The following GABRG2 variants were observed in gnomAD, a reference collection of about 807,000 sequenced individuals.
The protein encoded by GABRG2 is gamma-aminobutyric acid type A receptor subunit gamma2, also known as gamma-aminobutyric acid receptor subunit gamma-2.
GABRG2 carries 16 observed loss-of-function variants against 56.4 expected under a neutral mutation model. That is an observed-to-expected ratio of 0.28 (90% CI 0.19 to 0.43). The LOEUF (loss-of-function observed/expected upper bound fraction) is 0.43. Among genes scored for constraint, GABRG2 ranks in the 20% least tolerant of loss-of-function variants. The pLI, the probability that GABRG2 is intolerant of heterozygous loss-of-function variation, is 1.00. For synonymous variants in GABRG2, 208 were observed against 205.5 expected, an observed-to-expected ratio of 1.01 and a Z score of -0.10; for missense variants, 327 against 582.7, an observed-to-expected ratio of 0.56 and a Z score of 4.52.
intron 6 of GABRG2, among the ~76,000 whole-genome samples, chr5:162,108,666 T>C (rs780022901): frequency 4.3e-4 from 66 of 152,316 alleles, no homozygotes; most frequent in Non-Finnish European, 7.6e-4. Context: ...ATAAATCATT[T>C]AATATATCCG....
intron 1 of GABRG2, among the ~76,000 whole-genome samples, chr5:162,086,614 A>G (rs771406624): frequency 2.0e-5 from 3 of 152,014 alleles, no homozygotes; most frequent in African/African-American, 4.8e-5. Flanking sequence ...TCTTTCTCTT[A>G]CCTCAAATAA....
chr5:162,151,979 A>T, intron 9 of GABRG2: 1 of 438,128 alleles, frequency 2.3e-6, no homozygotes, highest in Non-Finnish European at 4.0e-6. Flanking sequence ...TCCCTGTGAG[A>T]TGTCATAGGT....
intron 6 of GABRG2, among the ~76,000 whole-genome samples, chr5:162,134,278 G>A (rs536616192): frequency 5.3e-5 from 8 of 152,228 alleles, no homozygotes; most frequent in African/African-American, 1.9e-4. Context: ...TAAGAGGATA[G>A]AATTGGTTGG....
chr5:162,076,605 T>A (rs1424812979), intron 1 of GABRG2, among the ~76,000 whole-genome samples: 1 of 152,158 alleles, frequency 6.6e-6, no homozygotes, highest in African/African-American at 2.4e-5. Flanking sequence ...AGAAGGATAT[T>A]TTCCCAAAGA....
chr5:162,121,263 C>G (rs1413330798), intron 6 of GABRG2, among the ~76,000 whole-genome samples: 1 of 151,992 alleles, frequency 6.6e-6, no homozygotes, highest in East Asian at 1.9e-4. Context: ...TTCAATGATA[C>G]AATTTAAATA....
intron 1 of GABRG2, among the ~76,000 whole-genome samples, chr5:162,083,931 T>G (rs974919743): frequency 6.6e-6 from 1 of 151,898 alleles, no homozygotes. Context: ...TAAAATTATT[T>G]TATTTAATGC....
chr5:162,152,584 G>C (rs1450813413), intron 9 of GABRG2: 7 of 263,374 alleles, frequency 2.7e-5, no homozygotes, highest in Non-Finnish European at 4.6e-5. Flanking sequence ...ATACAATCAG[G>C]AAAATTCTGT....
chr5:162,070,843 G>C (rs1008866868), intron 1 of GABRG2, among the ~76,000 whole-genome samples: 1 of 151,826 alleles, frequency 6.6e-6, no homozygotes, highest in Admixed American at 6.6e-5. Flanking sequence ...GGGGAGAAAA[G>C]GAATATTCAA....
At chr5:162,086,644 C>T (rs1760139679) in intron 1 of GABRG2, among the ~76,000 whole-genome samples, 1 of 151,956 alleles carries the variant, frequency 6.6e-6, no homozygotes, top group Non-Finnish European at 1.5e-5. Context: ...TAACTTTGAG[C>T]ACTACAGATA....
At position 162,152,317 on chromosome 5, in the gene GABRG2, T is replaced by C. The variant is rs1188955898; in HGVS notation, c.1152+564T>C. On this transcript the variant is annotated intron_variant, in intron 9 of 9. Coordinates refer to ENST00000639213, the MANE Select transcript of GABRG2 (RefSeq NM_198904.4). Reference sequence around the variant, plus strand: ...TTGCAATGAGATTTCTATTCAAATATAATAGCTGATTCTGAGACGTTAGAA... The same window carrying C: ...TTGCAATGAGATTTCTATTCAAATACAATAGCTGATTCTGAGACGTTAGAA... The C allele has an allele frequency of 2.4e-5, 7 of 286,670 alleles. No homozygotes were observed. The East Asian group carries it at 6.3e-4, about 26-fold the overall frequency. The allele number at this position is 286,670 out of a possible 1,614,324, so 17.8% of individuals were successfully genotyped here.
intron 4 of GABRG2, chr5:162,098,528 T>C (rs1761166545): frequency 6.6e-6 from 1 of 152,604 alleles, no homozygotes; most frequent in African/African-American, 2.4e-5. Context: ...CATTTTTACA[T>C]TGAATTTTCT....
At chr5:162,142,702 G>A (rs995144625) in intron 7 of GABRG2, 2 of 335,718 alleles carry the variant, frequency 6.0e-6, no homozygotes, top group Admixed American at 4.2e-5. Flanking sequence ...TGAACAATGA[G>A]AACACATGCA....
chr5:162,117,719 C>T (rs1213810527), intron 6 of GABRG2, among the ~76,000 whole-genome samples: 1 of 152,062 alleles, frequency 6.6e-6, no homozygotes, highest in East Asian at 1.9e-4. Flanking sequence ...GGACCCCAAG[C>T]AACTGTTCTC....
At chr5:162,132,565 T>TA (rs2113544590) in intron 6 of GABRG2, among the ~76,000 whole-genome samples, 1 of 152,158 alleles carries the variant, frequency 6.6e-6, no homozygotes, top group East Asian at 1.9e-4. Context: ...ATCTAGCACT[T>TA]ACCTAACTAT....
intron 6 of GABRG2, among the ~76,000 whole-genome samples, chr5:162,138,436 TG>T (rs1471790210): frequency 6.6e-6 from 1 of 152,200 alleles, no homozygotes; most frequent in Non-Finnish European, 1.5e-5. Flanking sequence ...AACATCTCTC[TG>T]TCTATCTGGG....
intron 6 of GABRG2, among the ~76,000 whole-genome samples, chr5:162,118,527 A>C (rs1762777426): frequency 6.6e-6 from 1 of 152,138 alleles, no homozygotes; most frequent in Admixed American, 6.6e-5. Context: ...CTAGGCTAGA[A>C]GTAAAAAGAT....
chr5:162,149,513 T>A, intron 8 of GABRG2, 200 bp downstream of exon 8: 2 of 743,744 alleles, frequency 2.7e-6, no homozygotes, highest in East Asian at 4.9e-5. Context: ...CTATTTTCTG[T>A]GTCAGAGTTC....
At chr5:162,147,306 T>TTTCC (rs539250270) in intron 7 of GABRG2, among the ~76,000 whole-genome samples, 14 of 151,552 alleles carry the variant, frequency 9.2e-5, no homozygotes, top group South Asian at 8.4e-4. Flanking sequence ...TTTCTTTCTT[T>TTTCC]TTCCTTCCTT....
chr5:162,105,944 A>C (rs1018076913), intron 6 of GABRG2, among the ~76,000 whole-genome samples: 6 of 152,108 alleles, frequency 3.9e-5, no homozygotes, highest in Non-Finnish European at 7.4e-5. Context: ...CCAGCACTCT[A>C]AAACAGAACC....
Sources: gnomAD v4.1 joint callset for allele counts (sites outside exome capture counted in the v4.1 genomes callset) on GRCh38, gnomAD v4.1.1 for gene constraint, MANE v1.5 for transcripts, NCBI Gene and HGNC (gene_info 2026-07-23, HGNC 2026-07-21) for gene names.